MAN1A2: variants seen among roughly 807,000 people sequenced by gnomAD.
MAN1A2 encodes mannosidase alpha class 1A member 2.
MAN1A2 carries 26 observed loss-of-function variants against 75.7 expected under a neutral mutation model. The observed-to-expected ratio is 0.34, with a 90% CI of 0.25 to 0.48. MAN1A2 has a LOEUF of 0.48. Among genes scored for constraint, MAN1A2 ranks in the 20% least tolerant of loss-of-function variants. The pLI, the probability that MAN1A2 is intolerant of heterozygous loss-of-function variation, is 0.99. For missense variants in MAN1A2, 562 were observed against 775.5 expected (o/e 0.72, Z 3.27); for synonymous variants, 247 against 264.6 (o/e 0.93, Z 0.65).
chr1:117,456,626 C>G (rs902106401), intron 6 of MAN1A2, among the ~76,000 whole-genome samples: 1 of 151,968 alleles, frequency 6.6e-6, no homozygotes, highest in Non-Finnish European at 1.5e-5. Context: ...TTGCTCAGAG[C>G]AAATTCTGCT....
In MAN1A2 at chr1:117,483,244, A is replaced by G. The variant is rs148980594; in HGVS notation, c.1169-9903A>G. Among the ~76,000 whole-genome samples, 100 of 152,218 alleles carry G rather than the reference A, an allele frequency of 6.6e-4. 1 individual carries two copies. The East Asian group carries it at 0.016, about 25-fold the overall frequency. On this transcript the variant is annotated intron_variant, in intron 8 of 12. Transcript: ENST00000356554. ...CAGGCTCATTTTTGGTTCCATATGA[A>G]CTTTAAAGTAGTTTTTTCCATTTCT...
intron 2 of MAN1A2, 128 bp downstream of exon 2, chr1:117,402,569 AGG>A (rs1647475750): frequency 1.3e-6 from 1 of 789,244 alleles, no homozygotes; most frequent in Non-Finnish European, 1.8e-6. Context: ...TATAGTTTCC[AGG>A]TTGGTAATAA....
At chr1:117,378,106 A>G (rs1475830018) in intron 1 of MAN1A2, among the ~76,000 whole-genome samples, 1 of 152,186 alleles carries the variant, frequency 6.6e-6, no homozygotes, top group African/African-American at 2.4e-5. Context: ...CATCTCAAAT[A>G]ACAAAATAAA....
At position 117,442,340 on chromosome 1, in the gene MAN1A2, G is replaced by T. The variant is rs1649064333; in HGVS notation, c.950+15G>T. ...AATTTGAAAAGGTAACTCTATGTGG[G>T]TATTCTTATTCTGGAAGAATTATTT... On this transcript the variant is annotated intron_variant, in intron 6 of 12. Coordinates refer to ENST00000356554, the MANE Select transcript of MAN1A2 (RefSeq NM_006699.5). The T allele has an allele frequency of 1.3e-6, 2 of 1,504,518 alleles. No homozygotes were observed. The highest frequency in any genetic ancestry group is 3.4e-5 in the Admixed American group (2 of 59,668). The allele number at this position is 1,504,518 out of a possible 1,614,324, so 93.2% of individuals were successfully genotyped here. A position where few individuals can be genotyped will look rare whatever the true frequency, so the allele number is the denominator to read the frequency against.
chr1:117,451,166 T>G (rs1354674143), intron 6 of MAN1A2, among the ~76,000 whole-genome samples: 1 of 152,208 alleles, frequency 6.6e-6, no homozygotes, highest in Non-Finnish European at 1.5e-5. Flanking sequence ...CTTGCATCAG[T>G]GTGACCTGGA....
intron 8 of MAN1A2, among the ~76,000 whole-genome samples, chr1:117,470,254 T>C (rs920209166): frequency 6.6e-6 from 1 of 152,034 alleles, no homozygotes; most frequent in African/African-American, 2.4e-5. Flanking sequence ...ATCAAATATC[T>C]AGAGTTGTCA....
At chr1:117,428,134 GA>G (rs943665546) in intron 5 of MAN1A2, among the ~76,000 whole-genome samples, 6 of 150,706 alleles carry the variant, frequency 4.0e-5, no homozygotes, top group African/African-American at 7.3e-5. Flanking sequence ...TTTGGGGGGG[GA>G]CCGAGTCTCA....
chr1:117,424,944 G>A, intron 5 of MAN1A2, among the ~76,000 whole-genome samples: 1 of 152,130 alleles, frequency 6.6e-6, no homozygotes, highest in East Asian at 1.9e-4. Context: ...AATGTGGTAG[G>A]TAACTGGACA....
In MAN1A2 at chr1:117,495,430, C is replaced by A. The variant is rs1006443153; in HGVS notation, c.1285-1333C>A. Reference sequence around the variant, plus strand: ...AAGAGATAGGAATGACCACTTAAGACTCATTGTAATTTGAAATACATTATT... The same window carrying A: ...AAGAGATAGGAATGACCACTTAAGAATCATTGTAATTTGAAATACATTATT... On this transcript the variant is annotated intron_variant, in intron 9 of 12. Transcript: ENST00000356554. Among the ~76,000 whole-genome samples, 7 of 151,910 alleles carry A rather than the reference C, an allele frequency of 4.6e-5. No homozygotes were observed. In the South Asian group the frequency reaches 6.2e-4, roughly 14 times the overall value.
rs114325213 is a variant in MAN1A2, at chr1:117,505,979, A to G, written c.1793+3009A>G. Among the ~76,000 whole-genome samples, 582 of 151,604 alleles carry G rather than the reference A, an allele frequency of 3.8e-3. 7 individuals are homozygous for G. Among genetic ancestry groups the G allele is most frequent in the African/African-American group, 0.013 (553 of 41,480 alleles). Reference sequence around the variant, plus strand: ...AAACAGTGATCTTAGGGAAGATACAAAAACACTCAATCTGATTTACTCTTT... The same window carrying G: ...AAACAGTGATCTTAGGGAAGATACAGAAACACTCAATCTGATTTACTCTTT... On this transcript the variant is annotated intron_variant, in intron 12 of 12. Coordinates refer to ENST00000356554, the MANE Select transcript of MAN1A2 (RefSeq NM_006699.5).
Position 117,493,161 on chromosome 1 carries a change from G to A in MAN1A2, c.1183G>A (p.Gly395Ser), listed in dbSNP as rs747971564. The change falls in exon 9 of 13, where the codon GGT (glycine) becomes AGT (serine). Residue 395 changes from glycine (G) to serine (S), a missense_variant. Coordinates refer to ENST00000356554, the MANE Select transcript of MAN1A2 (RefSeq NM_006699.5). Reference protein sequence around the residue: ...GRWGQYHTSVGGLGDSFYEYL... With the variant: ...GRWGQYHTSVSGLGDSFYEYL... ...CTTTGTTACAGATCATACATCTGTC[G>A]GTGGCCTGGGAGACAGTTTTTATGA... 1.2e-6 allele frequency: 2 copies of A among 1,605,012 alleles called. No individual in the cohort carries two copies. Among genetic ancestry groups the A allele is most frequent in the Non-Finnish European group, 8.5e-7 (1 of 1,172,702 alleles).
At chr1:117,456,572 T>C (rs567288355) in intron 6 of MAN1A2, among the ~76,000 whole-genome samples, 8 of 152,040 alleles carry the variant, frequency 5.3e-5, no homozygotes, top group Non-Finnish European at 1.0e-4. Context: ...GCACTTTCAA[T>C]TGACTCTTGT....
chr1:117,382,241 A>G (rs1304503781), intron 1 of MAN1A2, among the ~76,000 whole-genome samples: 1 of 152,116 alleles, frequency 6.6e-6, no homozygotes, highest in Non-Finnish European at 1.5e-5. Context: ...TGTGTTTTAG[A>G]CATGAAGTCC....
chr1:117,459,010 A>G (rs1380797203), intron 6 of MAN1A2, among the ~76,000 whole-genome samples: 3 of 152,134 alleles, frequency 2.0e-5, no homozygotes, highest in Non-Finnish European at 4.4e-5. Context: ...GACAAAATAT[A>G]TAAAACCAAA....
intron 12 of MAN1A2, among the ~76,000 whole-genome samples, chr1:117,506,522 A>T: frequency 6.6e-6 from 1 of 151,592 alleles, no homozygotes; most frequent in East Asian, 1.9e-4. Flanking sequence ...CATAACAAAA[A>T]CTATGTAATG....
intron 5 of MAN1A2, among the ~76,000 whole-genome samples, chr1:117,432,996 G>C (rs1402381730): frequency 6.7e-6 from 1 of 149,678 alleles, no homozygotes; most frequent in Non-Finnish European, 1.5e-5. Flanking sequence ...TTTATTGTAG[G>C]AAAGCAAAGT....
intron 1 of MAN1A2, among the ~76,000 whole-genome samples, chr1:117,371,660 TA>T (rs1320047222): frequency 1.4e-4 from 21 of 152,260 alleles, no homozygotes; most frequent in South Asian, 8.3e-4. Flanking sequence ...AAATGTTAAG[TA>T]TGGCTGTTGC....
chr1:117,432,010 T>C (rs954548227), intron 5 of MAN1A2, among the ~76,000 whole-genome samples: 1 of 152,082 alleles, frequency 6.6e-6, no homozygotes, highest in Non-Finnish European at 1.5e-5. Flanking sequence ...AAATCAATAA[T>C]AGACATCAGG....
chr1:117,460,989 G>A (rs1449632683), intron 7 of MAN1A2, among the ~76,000 whole-genome samples: 1 of 152,108 alleles, frequency 6.6e-6, no homozygotes, highest in East Asian at 1.9e-4. Context: ...ATTGACCTAA[G>A]ATATTAAGAC....
Sources: allele counts gnomAD v4.1 joint callset (sites outside exome capture counted in the v4.1 genomes callset), GRCh38; gene constraint gnomAD v4.1.1; transcripts MANE v1.5; gene names NCBI Gene and HGNC (gene_info 2026-07-23, HGNC 2026-07-21).